EPHA3: variants seen among roughly 807,000 people sequenced by gnomAD.
The protein encoded by EPHA3 is EPH receptor A3, also known as ephrin type-A receptor 3.
A neutral mutation model predicts 107.1 loss-of-function variants in EPHA3; 42 were observed. The ratio of observed to expected loss-of-function variants is 0.39; its 90% CI spans 0.31 to 0.51. The LOEUF (loss-of-function observed/expected upper bound fraction) is 0.51, where lower values mean the gene tolerates loss of function less well. Among genes scored for constraint, EPHA3 ranks in the 20% least tolerant of loss-of-function variants. EPHA3 has a pLI of 0.78. For missense variants in EPHA3, 1,183 were observed against 1,211.2 expected (o/e 0.98, Z 0.35); for synonymous variants, 461 against 424.8 (o/e 1.09, Z -1.05).
At chr3:89,479,358 C>T (rs375351007) in intron 16 of EPHA3, 39 bp from the exon 17 acceptor site, 27 of 1,534,862 alleles carry the variant, frequency 1.8e-5, no homozygotes, top group Middle Eastern at 3.4e-4. Flanking sequence ...TATACACTAT[C>T]GAGGAAACCG....
At chr3:89,173,182 A>G (rs1275279855) in intron 2 of EPHA3, among the ~76,000 whole-genome samples, 1 of 152,216 alleles carries the variant, frequency 6.6e-6, no homozygotes, top group African/African-American at 2.4e-5. Context: ...AACTCTAAGT[A>G]GAGATGCATC....
rs1040222867 is a variant in EPHA3 at position 89,289,693 on chromosome 3, G to A, written c.815-51223G>A. Among the ~76,000 whole-genome samples, 36 of 151,944 alleles carry A rather than the reference G, an allele frequency of 2.4e-4. 1 individual carries two copies. Among genetic ancestry groups the A allele is most frequent in the East Asian group, 3.9e-4 (2 of 5,170 alleles). On this transcript the variant is annotated intron_variant, in intron 3 of 16. Coordinates refer to ENST00000336596, the MANE Select transcript of EPHA3 (RefSeq NM_005233.6). ...AATAACTCAGAGGTTCAATATGTGC[G>A]TGCGTGTGTGCATGTGTTCATGCAA...
chr3:89,244,720 A>C (rs1468445087), intron 3 of EPHA3, among the ~76,000 whole-genome samples: 1 of 152,220 alleles, frequency 6.6e-6, no homozygotes, highest in Non-Finnish European at 1.5e-5. Flanking sequence ...AGTAATAGCG[A>C]TGTGGATATG....
rs150971451 is a variant in EPHA3 at position 89,308,404 on chromosome 3, G to T, written c.815-32512G>T. Among the ~76,000 whole-genome samples the T allele has an allele frequency of 5.9e-5, 9 of 152,210 alleles. No homozygotes were observed. The East Asian group carries it at 1.7e-3, about 29-fold the overall frequency. On this transcript the variant is annotated intron_variant, in intron 3 of 16. Transcript: ENST00000336596. ...ACCATCAGAGATGAAAACATAACAA[G>T]AAATTAAAAAGGGAAGCTGGCTATA...
intron 7 of EPHA3, among the ~76,000 whole-genome samples, chr3:89,402,696 A>G (rs1708988309): frequency 6.6e-6 from 1 of 151,606 alleles, no homozygotes; most frequent in Non-Finnish European, 1.5e-5. Flanking sequence ...TTATTTATGT[A>G]TTTATTTATT....
chr3:89,286,237 G>A (rs1268848779), intron 3 of EPHA3, among the ~76,000 whole-genome samples: 1 of 151,020 alleles, frequency 6.6e-6, no homozygotes, highest in Non-Finnish European at 1.5e-5. Flanking sequence ...GCTACGTGAA[G>A]TAGGGAGAGA....
intron 2 of EPHA3, among the ~76,000 whole-genome samples, chr3:89,203,376 A>T (rs2107166318): frequency 1.3e-5 from 2 of 151,952 alleles, no homozygotes; most frequent in African/African-American, 4.8e-5. Flanking sequence ...TAAAGGAATT[A>T]AACAGACTTA....
chr3:89,358,782 C>T (rs1245551461), intron 5 of EPHA3, among the ~76,000 whole-genome samples: 5 of 151,220 alleles, frequency 3.3e-5, no homozygotes, highest in South Asian at 4.2e-4. Context: ...CTAAAAAACT[C>T]GCATGCTGTC....
intron 5 of EPHA3, among the ~76,000 whole-genome samples, chr3:89,377,901 A>T (rs1708431786): frequency 1.3e-5 from 2 of 152,342 alleles, no homozygotes; most frequent in Admixed American, 6.5e-5. Flanking sequence ...AAAATGTTCA[A>T]AATCATTCAA....
At chr3:89,341,557 G>A (rs569636985) in intron 4 of EPHA3, among the ~76,000 whole-genome samples, 198 bp from the exon 5 acceptor site, 7 of 152,246 alleles carry the variant, frequency 4.6e-5, no homozygotes, top group East Asian at 1.9e-4. Context: ...TTAAAACTCC[G>A]CCATTCACAG....
intron 11 of EPHA3, among the ~76,000 whole-genome samples, chr3:89,427,107 A>G (rs1709471894): frequency 6.6e-6 from 1 of 151,928 alleles, no homozygotes; most frequent in Non-Finnish European, 1.5e-5. Context: ...TACATTAACT[A>G]GATAGATGTT....
Position 89,185,698 on chromosome 3 carries a change from C to A in EPHA3, c.154-24162C>A, listed in dbSNP as rs143173324. 1.8e-3 allele frequency among the ~76,000 whole-genome samples: 267 copies of A among 152,156 alleles called. 1 individual carries two copies. Among genetic ancestry groups the A allele is most frequent in the African/African-American group, 5.9e-3 (245 of 41,546 alleles). On this transcript the variant is annotated intron_variant, in intron 2 of 16. Coordinates refer to ENST00000336596, the MANE Select transcript of EPHA3 (RefSeq NM_005233.6). The stretch of plus-strand genomic sequence containing the variant: ...CATTTCACTTGCATCCTCACAATTT[C>A]CACACAGCTCTCCCTTTCTACTTTG...
chr3:89,208,434 G>GAA (rs1559600817), intron 2 of EPHA3, among the ~76,000 whole-genome samples: 2 of 94,902 alleles, frequency 2.1e-5, no homozygotes, highest in African/African-American at 5.4e-5. Context: ...AAGAAAGAAA[G>GAA]AAAGAAAGAA....
chr3:89,446,291 G>A (rs1709874517), intron 13 of EPHA3, among the ~76,000 whole-genome samples: 1 of 152,090 alleles, frequency 6.6e-6, no homozygotes, highest in African/African-American at 2.4e-5. Flanking sequence ...ATATGATCAT[G>A]CGACCACAGC....
chr3:89,135,198 C>T (rs1443905917), intron 2 of EPHA3, among the ~76,000 whole-genome samples: 1 of 152,122 alleles, frequency 6.6e-6, no homozygotes, highest in Admixed American at 6.5e-5. Context: ...TTTCACAAGC[C>T]ACCCTCCTGC....
chr3:89,133,715 C>A (rs1309859707), intron 2 of EPHA3, among the ~76,000 whole-genome samples: 1 of 152,124 alleles, frequency 6.6e-6, no homozygotes, highest in Non-Finnish European at 1.5e-5. Context: ...TTCTGTTGAC[C>A]AATGCCGGCT....
intron 3 of EPHA3, among the ~76,000 whole-genome samples, chr3:89,250,777 C>G (rs140690517): frequency 6.6e-6 from 1 of 152,152 alleles, no homozygotes; most frequent in African/African-American, 2.4e-5. Flanking sequence ...TAAAATCCTG[C>G]CATATATTTT....
intron 3 of EPHA3, among the ~76,000 whole-genome samples, chr3:89,328,700 G>A (rs1174422236): frequency 6.6e-6 from 1 of 151,930 alleles, no homozygotes; most frequent in East Asian, 1.9e-4. Context: ...TTAAATCTTG[G>A]GATAAACAGC....
At chr3:89,380,450 A>C (rs1221597709) in intron 5 of EPHA3, among the ~76,000 whole-genome samples, 2 of 152,138 alleles carry the variant, frequency 1.3e-5, no homozygotes, top group South Asian at 2.1e-4. Context: ...CACAGACCCC[A>C]AAAACAACAG....
Sources: allele counts gnomAD v4.1 joint callset (sites outside exome capture counted in the v4.1 genomes callset), GRCh38; gene constraint gnomAD v4.1.1; transcripts MANE v1.5; gene names NCBI Gene and HGNC (gene_info 2026-07-23, HGNC 2026-07-21).